The following UBN1 variants were observed in gnomAD, a reference collection of about 807,000 sequenced individuals.
UBN1 encodes ubinuclein 1, also known as ubinuclein-1.
A neutral mutation model predicts 108.5 loss-of-function variants in UBN1; 17 were observed. The observed-to-expected ratio is 0.16, with a 90% CI of 0.11 to 0.24. The LOEUF (loss-of-function observed/expected upper bound fraction) is 0.24, where lower values mean the gene tolerates loss of function less well. Among genes scored for constraint, UBN1 ranks in the 10% least tolerant of loss-of-function variants. The pLI, the probability that UBN1 is intolerant of heterozygous loss-of-function variation, is 1.00. For missense variants in UBN1, 1,595 were observed against 1,394.4 expected (o/e 1.14, Z -2.29); for synonymous variants, 726 against 564.2 (o/e 1.29, Z -4.07).
chr16:4,858,895 G>C, intron 4 of UBN1, 130 bp from the exon 5 acceptor site: 2 of 1,251,194 alleles, frequency 1.6e-6, no homozygotes, highest in Non-Finnish European at 2.2e-6. Context: ...ATTCATGTTT[G>C]ACCAGAGGAT....
intron 15 of UBN1, among the ~76,000 whole-genome samples, chr16:4,876,104 G>A (rs559404731): frequency 3.7e-4 from 56 of 152,030 alleles, no homozygotes; most frequent in African/African-American, 1.2e-3. Flanking sequence ...GACTACAGGC[G>A]TCCGCCACCA....
At position 4,875,142 on chromosome 16, in the gene UBN1, A is replaced by G. The variant is rs1262171674; in HGVS notation, c.2732A>G (p.His911Arg). The change falls in exon 15 of 18, where the codon CAT (histidine) becomes CGT (arginine). Residue 911 changes from histidine (H) to arginine (R), a missense_variant. His to Arg is a conservative substitution (Grantham distance 29, BLOSUM62 0). Around this residue, in one of 3 missense-constraint regions of UBN1, gnomAD observed 1,398 missense variants for 1,194.7 expected, o/e 1.17. Transcript: ENST00000262376. ...CCCTTTGCCAGCTCAATCTCCAAAC[A>G]TGGGGTTTCTTCTGGCAGCTCTTCC... Reference protein sequence around the residue: ...NNPFASSISKHGVSSGSSSSG... With the variant: ...NNPFASSISKRGVSSGSSSSG... 6.2e-7 allele frequency: 1 copy of G among 1,614,020 alleles called. No individual in the cohort carries two copies. The highest frequency in any genetic ancestry group is 8.5e-7 in the Non-Finnish European group (1 of 1,180,034).
In UBN1 at chr16:4,849,967, C is replaced by CAAA. The variant is rs1427006025; in HGVS notation, c.-40+1757_-40+1758insAAA. ...TGTCTCACAAAAAAAAAAAAAAAAACCACAAAAAAAGCTAAAATCTTTCCA... is the reference window on the plus strand; with the variant it reads ...TGTCTCACAAAAAAAAAAAAAAAAACAAACACAAAAAAAGCTAAAATCTTTCCA... On this transcript the variant is annotated intron_variant, in intron 1 of 17. Coordinates refer to ENST00000262376, the MANE Select transcript of UBN1 (RefSeq NM_001079514.3). Among the ~76,000 whole-genome samples the CAAA allele has an allele frequency of 4.1e-3, 488 of 117,706 alleles. 12 individuals carry two copies. Among genetic ancestry groups the CAAA allele is most frequent in the Middle Eastern group, 4.5e-3 (1 of 224 alleles). 77.2% of individuals were successfully genotyped at this position (117,706 alleles called of 152,430 possible).
At chr16:4,853,992 C>T (rs993083638) in intron 2 of UBN1, among the ~76,000 whole-genome samples, 7 of 152,176 alleles carry the variant, frequency 4.6e-5, no homozygotes, top group African/African-American at 1.4e-4. Flanking sequence ...TTATGGGCAA[C>T]CACTGCCCTG....
At chr16:4,873,244 C>T (rs2142264187) in intron 14 of UBN1, among the ~76,000 whole-genome samples, 171 bp downstream of exon 14, 1 of 152,300 alleles carries the variant, frequency 6.6e-6, no homozygotes, top group Non-Finnish European at 1.5e-5. Context: ...CCACTTAACC[C>T]CCCTCTAGCC....
chr16:4,868,516 G>A (rs898860163), intron 7 of UBN1, among the ~76,000 whole-genome samples: 22 of 152,198 alleles, frequency 1.4e-4, no homozygotes, highest in Admixed American at 9.8e-4. Flanking sequence ...AGTTGATGGT[G>A]TATGGGTGCA....
intron 6 of UBN1, 102 bp from the exon 7 acceptor site, chr16:4,860,557 ACAGGT>A: frequency 8.6e-7 from 1 of 1,164,454 alleles, no homozygotes; most frequent in South Asian, 1.5e-5. Context: ...GTGGACTGTG[ACAGGT>A]TCTCCTGGAG....
rs1202551235 is a variant in UBN1, at chr16:4,874,710, C to T, written c.2300C>T (p.Ala767Val). The change falls in exon 15 of 18, where the codon GCT (alanine) becomes GTT (valine). Residue 767 changes from alanine to valine, a missense_variant. Around this residue, in one of 3 missense-constraint regions of UBN1, gnomAD observed 1,398 missense variants for 1,194.7 expected, o/e 1.17. Transcript: ENST00000262376. ...GGCTACAAAGAGCTGTCCTGCCAGG[C>T]TCCCCTCAATAAGGGCCTGCCAGAA... is the stretch of plus-strand genomic sequence containing the variant. ...SSGYKELSCQAPLNKGLPEVH... is the reference protein window; with the variant it reads ...SSGYKELSCQVPLNKGLPEVH... 1.2e-6 allele frequency: 2 copies of T among 1,614,144 alleles called. No homozygotes were observed. Among genetic ancestry groups the T allele is most frequent in the Admixed American group, 3.3e-5 (2 of 60,030 alleles).
intron 15 of UBN1, 129 bp downstream of exon 15, chr16:4,875,563 G>A (rs9939704): frequency 0.07 from 94,549 of 1,343,110 alleles, 3,579 homozygotes; most frequent in African/African-American, 0.11. Context: ...GGGCTCAGAC[G>A]TAGGAAGGGA....
chr16:4,853,896 C>T (rs1208130119), intron 2 of UBN1, among the ~76,000 whole-genome samples: 1 of 152,140 alleles, frequency 6.6e-6, no homozygotes, highest in African/African-American at 2.4e-5. Flanking sequence ...TCAGTACCCC[C>T]ATGTAACCTG....
At chr16:4,867,474 A>G (rs1372474397) in intron 7 of UBN1, among the ~76,000 whole-genome samples, 2 of 152,196 alleles carry the variant, frequency 1.3e-5, no homozygotes, top group Admixed American at 6.5e-5. Context: ...GGGGTCCTGT[A>G]ACCAATCCCC....
chr16:4,861,192 ACT>A, intron 7 of UBN1, 90 bp downstream of exon 7: 1 of 1,401,252 alleles, frequency 7.1e-7, no homozygotes, highest in Middle Eastern at 2.6e-4. Flanking sequence ...GCCCAGAGAA[ACT>A]CTTAGTGAGT....
At position 4,877,417 on chromosome 16, in the gene UBN1, C is replaced by T; in HGVS notation, c.3298C>T (p.His1100Tyr). ...GGCTGGCTTGCACTCCAGCCCGCCC[C>T]ATGCAGCGCCTCTCCCACACGCTGC... ...LLAGLHSSPP[H>Y]AAPLPHAAVP... Residue 1100 changes from histidine (H) to tyrosine (Y), a missense_variant, in exon 17 of 18, where the codon CAT becomes TAT. By Grantham distance (83) the His-to-Tyr change is moderately conservative. Transcript: ENST00000262376. This position sits in a 1 kb window ranked among gnomAD's most constrained non-coding sequence, Gnocchi z 4.3. The T allele has an allele frequency of 6.2e-7, 1 of 1,612,712 alleles. No homozygotes were observed.
At chr16:4,858,731 A>G in intron 4 of UBN1, 68 bp downstream of exon 4, 1 of 1,509,070 alleles carries the variant, frequency 6.6e-7, no homozygotes, top group East Asian at 2.3e-5. Flanking sequence ...ACTGACCAGG[A>G]AGCTGGGGGT....
chr16:4,853,551 T>C (rs1182554679), intron 2 of UBN1, among the ~76,000 whole-genome samples: 1 of 151,994 alleles, frequency 6.6e-6, no homozygotes, highest in Non-Finnish European at 1.5e-5. Flanking sequence ...CTGCCTTTTT[T>C]TTTTTCTTTC....
In UBN1 at chr16:4,874,408, C is replaced by A; in HGVS notation, c.1998C>A (p.Ile666=). 1.2e-6 allele frequency: 2 copies of A among 1,614,130 alleles called. No individual in the cohort carries two copies. The highest frequency in any genetic ancestry group is 1.7e-5 in the Admixed American group (1 of 60,018). ...AGGACTCATTGGATGAAGACTTGAT[C>A]CGCAATCCAGCCTCCTCGGTGGAAG... ...NLEDSLDEDL[I]RNPASSVEAV... is the part of the protein sequence containing the mutation. The change falls in exon 15 of 18, where the codon ATC becomes ATA. Residue 666 remains isoleucine (I), a synonymous_variant. Coordinates refer to ENST00000262376, the MANE Select transcript of UBN1 (RefSeq NM_001079514.3).
intron 7 of UBN1, among the ~76,000 whole-genome samples, chr16:4,867,791 A>G (rs1220186496): frequency 6.6e-6 from 1 of 152,046 alleles, no homozygotes; most frequent in Non-Finnish European, 1.5e-5. Flanking sequence ...AGGGGTTAGC[A>G]GTGTCTGCAA....
At position 4,877,334 on chromosome 16, in the gene UBN1, T is replaced by C. The variant is rs1327410474; in HGVS notation, c.3266-51T>C. The C allele has an allele frequency of 6.3e-7, 1 of 1,575,192 alleles. No individual in the cohort carries two copies. The highest frequency in any genetic ancestry group is 8.6e-7 in the Non-Finnish European group (1 of 1,156,470). Reference sequence around the variant, plus strand: ...GCTGCTGGAGCTGCTTTCCTGTTCCTGTCTTCAATGTGTGTGTTTTGTTCT... The same window carrying C: ...GCTGCTGGAGCTGCTTTCCTGTTCCCGTCTTCAATGTGTGTGTTTTGTTCT... On this transcript the variant is annotated intron_variant, in intron 16 of 17. Coordinates refer to ENST00000262376, the MANE Select transcript of UBN1 (RefSeq NM_001079514.3). This position sits in a 1 kb window ranked among gnomAD's most constrained non-coding sequence, Gnocchi z 4.3.
intron 7 of UBN1, among the ~76,000 whole-genome samples, chr16:4,866,961 T>A (rs879931123): frequency 6.6e-6 from 1 of 152,194 alleles, no homozygotes; most frequent in Non-Finnish European, 1.5e-5. Context: ...AGAGAGGCTC[T>A]TGGGGGGCAT....
Sources: gnomAD v4.1 joint callset for allele counts (sites outside exome capture counted in the v4.1 genomes callset) on GRCh38, gnomAD v4.1.1 for gene constraint, gnomAD v4.1.1 regional missense constraint, Gnocchi (gnomAD v3.1) non-coding constraint, MANE v1.5 for transcripts, NCBI Gene and HGNC (gene_info 2026-07-23, HGNC 2026-07-21) for gene names.